MCTP1: variants seen among roughly 807,000 people sequenced by gnomAD.
MCTP1 encodes multiple C2 and transmembrane domain-containing protein 1.
In MCTP1, 69 loss-of-function variants were observed where a neutral mutation model predicts 120.6. The ratio of observed to expected loss-of-function variants is 0.57; its 90% CI spans 0.47 to 0.70. MCTP1 has a LOEUF of 0.70. Among genes scored for constraint, MCTP1 ranks in the 30% least tolerant of loss-of-function variants. The pLI, the probability that MCTP1 is intolerant of heterozygous loss-of-function variation, is 0.00. For synonymous variants in MCTP1, 529 were observed against 493.1 expected (o/e 1.07, Z -0.96); for missense variants, 1,203 against 1,248.8 (o/e 0.96, Z 0.55).
intron 3 of MCTP1, among the ~76,000 whole-genome samples, chr5:94,951,311 G>A (rs1398925980): frequency 6.6e-6 from 1 of 152,096 alleles, no homozygotes; most frequent in Non-Finnish European, 1.5e-5. Flanking sequence ...TTTCTACATA[G>A]ATGAATACTT....
intron 2 of MCTP1, among the ~76,000 whole-genome samples, chr5:95,006,135 T>C (rs1398846977): frequency 6.6e-6 from 1 of 152,148 alleles, no homozygotes; most frequent in Admixed American, 6.6e-5. Flanking sequence ...TGGCTGGGAA[T>C]AGATTATTCT....
chr5:95,223,354 AGTAGGG>A (rs1366401227), intron 1 of MCTP1, among the ~76,000 whole-genome samples: 1 of 152,092 alleles, frequency 6.6e-6, no homozygotes, highest in African/African-American at 2.4e-5. Flanking sequence ...CAGGAGGCTG[AGTAGGG>A]AGAATCACCT....
intron 10 of MCTP1, among the ~76,000 whole-genome samples, chr5:94,908,106 T>G (rs1807407072): frequency 6.6e-6 from 1 of 152,062 alleles, no homozygotes; most frequent in Non-Finnish European, 1.5e-5. Context: ...ATGAAATGCA[T>G]TTAATGTATT....
At chr5:94,889,396 G>A (rs1162208811) in intron 11 of MCTP1, among the ~76,000 whole-genome samples, 1 of 151,988 alleles carries the variant, frequency 6.6e-6, no homozygotes, top group Non-Finnish European at 1.5e-5. Context: ...AGACCAGCTT[G>A]GCCAAGATGA....
chr5:94,888,821 G>T, intron 12 of MCTP1, 58 bp downstream of exon 12: 2 of 986,466 alleles, frequency 2.0e-6, no homozygotes, highest in South Asian at 1.3e-5. Flanking sequence ...ATTATTAAAT[G>T]GTGTAGACCT....
chr5:94,709,114 GCCC>G (rs962914281), intron 21 of MCTP1: 4 of 151,768 alleles, frequency 2.6e-5, no homozygotes, highest in Non-Finnish European at 2.9e-5. Context: ...GAAAAGATTT[GCCC>G]CCAACTTTGT....
intron 1 of MCTP1, among the ~76,000 whole-genome samples, chr5:95,270,762 T>G (rs1029382804): frequency 4.6e-5 from 7 of 152,098 alleles, no homozygotes; most frequent in Non-Finnish European, 7.3e-5. Context: ...AAACCCCATC[T>G]TTACTAAAAA....
At chr5:95,002,263 T>C (rs1257892367) in intron 2 of MCTP1, among the ~76,000 whole-genome samples, 2 of 152,100 alleles carry the variant, frequency 1.3e-5, no homozygotes, top group African/African-American at 4.8e-5. Context: ...GGAAGGGAAA[T>C]GCGGGGTTGG....
In MCTP1 at chr5:94,845,671, A is replaced by T. The variant is rs114362971; in HGVS notation, c.2436+22662T>A. On this transcript the variant is annotated intron_variant, in intron 17 of 22. Coordinates refer to ENST00000515393, the MANE Select transcript of MCTP1 (RefSeq NM_024717.7). ...ACAATTCTCCCACCTCAGTCTCTTG[A>T]GTAGCTGAGATTACAGGTACAGGTA... Among the ~76,000 whole-genome samples the T allele has an allele frequency of 3.3e-3, 499 of 152,134 alleles. 4 individuals are homozygous for T. Among genetic ancestry groups the T allele is most frequent in the African/African-American group, 0.011 (476 of 41,492 alleles).
intron 1 of MCTP1, among the ~76,000 whole-genome samples, chr5:95,116,399 T>A (rs1414395991): frequency 6.6e-6 from 1 of 152,140 alleles, no homozygotes; most frequent in Non-Finnish European, 1.5e-5. Flanking sequence ...GGTTAAGAGT[T>A]GGAGGAAGCA....
chr5:94,975,565 C>A (rs1827913348), intron 2 of MCTP1, among the ~76,000 whole-genome samples: 1 of 151,788 alleles, frequency 6.6e-6, no homozygotes, highest in African/African-American at 2.4e-5. Flanking sequence ...GTTTAAGCCA[C>A]CCAGTCTACA....
intron 19 of MCTP1, among the ~76,000 whole-genome samples, chr5:94,726,269 A>G (rs886707997): frequency 6.6e-5 from 10 of 152,216 alleles, no homozygotes; most frequent in African/African-American, 2.2e-4. Context: ...TTTGTTTACA[A>G]TATTCCCCAC....
At chr5:94,765,471 G>A (rs1772382863) in intron 19 of MCTP1, among the ~76,000 whole-genome samples, 1 of 152,086 alleles carries the variant, frequency 6.6e-6, no homozygotes, top group South Asian at 2.1e-4. Flanking sequence ...AGGGCGAGGT[G>A]GGTGGATCAC....
intron 1 of MCTP1, among the ~76,000 whole-genome samples, chr5:95,122,960 C>T (rs1250683246): frequency 2.0e-5 from 3 of 151,900 alleles, no homozygotes; most frequent in East Asian, 1.9e-4. Flanking sequence ...AGTAGAAGGG[C>T]GGTTACCAGA....
At chr5:94,717,893 C>T (rs1410351103) in intron 19 of MCTP1, among the ~76,000 whole-genome samples, 1 of 152,118 alleles carries the variant, frequency 6.6e-6, no homozygotes, top group African/African-American at 2.4e-5. Context: ...GAAAATATTC[C>T]ATGCTCATGG....
chr5:94,966,829 A>G (rs1825734849), intron 2 of MCTP1, among the ~76,000 whole-genome samples: 1 of 151,602 alleles, frequency 6.6e-6, no homozygotes, highest in African/African-American at 2.4e-5. Flanking sequence ...AGGATGTGGC[A>G]GGGCCCAAAC....
chr5:95,160,110 A>G (rs1187961356), intron 1 of MCTP1, among the ~76,000 whole-genome samples: 1 of 152,198 alleles, frequency 6.6e-6, no homozygotes, highest in African/African-American at 2.4e-5. Flanking sequence ...AGAAATTTTG[A>G]TGCCCTCTTG....
chr5:95,255,547 A>T (rs1459365570), intron 1 of MCTP1, among the ~76,000 whole-genome samples: 1 of 152,150 alleles, frequency 6.6e-6, no homozygotes, highest in Non-Finnish European at 1.5e-5. Flanking sequence ...TGGTGCACTG[A>T]TCCCACACCT....
At chr5:94,969,230 C>G (rs1328946614) in intron 2 of MCTP1, among the ~76,000 whole-genome samples, 3 of 152,096 alleles carry the variant, frequency 2.0e-5, no homozygotes, top group Non-Finnish European at 4.4e-5. Context: ...ATGGGCACTT[C>G]AACATTCTGT....
Sources: gnomAD v4.1 joint callset for allele counts (sites outside exome capture counted in the v4.1 genomes callset) on GRCh38, gnomAD v4.1.1 for gene constraint, MANE v1.5 for transcripts, NCBI Gene and HGNC (gene_info 2026-07-23, HGNC 2026-07-21) for gene names.